Variants in GNAT1 observed in about 807,000 individuals in gnomAD.
The protein encoded by GNAT1 is G protein subunit alpha transducin 1.
In GNAT1, 36 loss-of-function variants were observed where a neutral mutation model predicts 40.0. The observed-to-expected ratio is 0.90, with a 90% CI of 0.69 to 1.19. GNAT1 has a LOEUF of 1.19. Among genes scored for constraint, GNAT1 ranks in the 50% most tolerant of loss-of-function variants. The pLI is 0.00. For synonymous variants in GNAT1, 195 were observed against 192.9 expected (o/e 1.01, Z -0.09); for missense variants, 413 against 480.6 (o/e 0.86, Z 1.32).
Position 50,194,385 on chromosome 3 carries a change from C to T in GNAT1, c.709-116C>T, listed in dbSNP as rs1699470585. The T allele has an allele frequency of 2.9e-6, 4 of 1,402,866 alleles. No individual in the cohort carries two copies. In the South Asian group the frequency reaches 3.6e-5, roughly 13 times the overall value. The allele number at this position is 1,402,866 out of a possible 1,614,324, so 86.9% of individuals were successfully genotyped here. A position where few individuals can be genotyped will look rare whatever the true frequency, so the allele number is the denominator to read the frequency against. On this transcript the variant is annotated intron_variant, in intron 6 of 8. Transcript: ENST00000232461. This position sits in a 1 kb window ranked among gnomAD's most constrained non-coding sequence, Gnocchi z 6.1. ...TTCAGCAGGCCCATCTGGGGCAGTG[C>T]GGGGAGCCCTCTGAGAGCCAGCTGA...
chr3:50,194,670 G>T lies in GNAT1; in HGVS notation c.862+16G>T. ...GACTACGATGGTGAGAAGTCCGCAA[G>T]GCCGCCAGGCGGCGCCCCCGCCCCA... On this transcript the variant is annotated intron_variant, in intron 7 of 8. Transcript: ENST00000232461. The surrounding 1 kb of genome is among the most constrained non-coding windows in gnomAD (Gnocchi z 6.1). The T allele has an allele frequency of 6.2e-7, 1 of 1,612,312 alleles. No individual in the cohort carries two copies. The highest frequency in any genetic ancestry group is 8.5e-7 in the Non-Finnish European group (1 of 1,179,336).
intron 1 of GNAT1, 33 bp downstream of exon 1, chr3:50,191,864 A>T: frequency 3.6e-6 from 5 of 1,373,986 alleles, no homozygotes; most frequent in Non-Finnish European, 5.2e-6. Context: ...GGCCACTGCC[A>T]CCAGGTCATT....
intron 8 of GNAT1, 38 bp from the exon 9 acceptor site, chr3:50,195,230 T>G: frequency 1.9e-6 from 1 of 526,210 alleles, no homozygotes; most frequent in Non-Finnish European, 3.5e-6. Context: ...CCATTTATTT[T>G]GGGTCTCAGG....
chr3:50,195,337 C>T lies in GNAT1; in HGVS notation c.*71C>T. The T allele has an allele frequency of 3.0e-6, 1 of 337,660 alleles. No homozygotes were observed. The highest frequency in any genetic ancestry group is 5.7e-6 in the Non-Finnish European group (1 of 175,162). The allele number at this position is 337,660 out of a possible 1,614,324, so 20.9% of individuals were successfully genotyped here. ...CTAGCTGCCTTGCAGCCCCAAACCC[C>T]AGGACCCTATCAGCCCCCTGGGACT... is the stretch of plus-strand genomic sequence containing the variant. On this transcript the variant is annotated 3_prime_UTR_variant, in exon 9 of 9. Transcript: ENST00000232461.
At position 50,194,065 on chromosome 3, in the gene GNAT1, C is replaced by A. The variant is rs771647730; in HGVS notation, c.579-27C>A. On this transcript the variant is annotated intron_variant, in intron 5 of 8. Coordinates refer to ENST00000232461, the MANE Select transcript of GNAT1 (RefSeq NM_144499.3). This position sits in a 1 kb window ranked among gnomAD's most constrained non-coding sequence, Gnocchi z 6.1. ...GATGTTGCCTGTGGGGCCCGGGGCG[C>A]AGGTTCAGGCCCCCGCGGCCCCGCA... The A allele has an allele frequency of 6.2e-7, 1 of 1,611,628 alleles. No homozygotes were observed. Among genetic ancestry groups the A allele is most frequent in the Admixed American group, 1.7e-5 (1 of 59,896 alleles).
rs1308902871 is a variant in GNAT1, at chr3:50,197,071, A to T, written c.*1805A>T. Among the ~76,000 whole-genome samples, 1 of 152,238 alleles carries T rather than the reference A, an allele frequency of 6.6e-6. No individual in the cohort carries two copies. Among genetic ancestry groups the T allele is most frequent in the African/African-American group, 2.4e-5 (1 of 41,450 alleles). On this transcript the variant is annotated 3_prime_UTR_variant, in exon 9 of 9. Transcript: ENST00000232461. ...TATTAGGATAATATTTTTAAAAATC[A>T]AATGAATGCAAAACCCCACAATGAA...
Position 50,194,638 on chromosome 3 carries a change from T to A in GNAT1, c.846T>A (p.Cys282Ter). The A allele has an allele frequency of 1.2e-6, 2 of 1,613,410 alleles. No individual in the cohort carries two copies. Among genetic ancestry groups the A allele is most frequent in the Non-Finnish European group, 1.7e-6 (2 of 1,179,806 alleles). ...TCAAGAAGGCGCACCTCAGCATCTG[T>A]TTCCCGGACTACGATGGTGAGAAGT... Reference protein sequence around the residue: ...EKIKKAHLSICFPDYDGPNTY... With the variant: ...EKIKKAHLSI Residue 282 changes from cysteine to a stop codon, truncating the protein, a stop_gained, in exon 7 of 9, where the codon TGT (cysteine) becomes TGA (stop). Coordinates refer to ENST00000232461, the MANE Select transcript of GNAT1 (RefSeq NM_144499.3). LOFTEE classifies it high-confidence loss of function. The surrounding 1 kb of genome is among the most constrained non-coding windows in gnomAD (Gnocchi z 6.1).
intron 1 of GNAT1, among the ~76,000 whole-genome samples, chr3:50,192,370 T>C (rs1261034791): frequency 6.6e-6 from 1 of 152,074 alleles, no homozygotes; most frequent in Non-Finnish European, 1.5e-5. Flanking sequence ...TGGCGGGTAC[T>C]GAGGCCCAGT....
At position 50,193,045 on chromosome 3, in the gene GNAT1, C is replaced by A; in HGVS notation, c.107-88C>A. On this transcript the variant is annotated intron_variant, in intron 1 of 8. Transcript: ENST00000232461. The surrounding 1 kb of genome is among the most constrained non-coding windows in gnomAD (Gnocchi z 8.1). ...GCCTCTTCGCTGCGGGTCCACCCTG[C>A]CAACTCGGGAGGTCCCCGTCCTCCT... 2 of 1,426,716 alleles carry A rather than the reference C, an allele frequency of 1.4e-6. No individual in the cohort carries two copies. The highest frequency in any genetic ancestry group is 2.0e-6 in the Non-Finnish European group (2 of 1,023,618). The allele number at this position is 1,426,716 out of a possible 1,614,324, so 88.4% of individuals were successfully genotyped here. A position where few individuals can be genotyped will look rare whatever the true frequency, so the allele number is the denominator to read the frequency against.
chr3:50,196,241 C>T lies in GNAT1; in HGVS notation c.*975C>T, dbSNP rs571648848. On this transcript the variant is annotated 3_prime_UTR_variant, in exon 9 of 9. Transcript: ENST00000232461. ...GGGTTACAAGCAAACCTGGGTGACC[C>T]TCTTGTCCCTACCAGCAGCTTCTCT... 3 of 152,442 alleles carry T rather than the reference C, an allele frequency of 2.0e-5. No homozygotes were observed. Among genetic ancestry groups the T allele is most frequent in the Non-Finnish European group, 4.4e-5 (3 of 68,096 alleles). The allele number at this position is 152,442 out of a possible 1,614,324, so 9.4% of individuals were successfully genotyped here.
At chr3:50,195,244 G>C in intron 8 of GNAT1, 24 bp from the exon 9 acceptor site, 1 of 500,672 alleles carries the variant, frequency 2.0e-6, no homozygotes, top group Non-Finnish European at 3.7e-6. Flanking sequence ...TCTCAGGGAT[G>C]CTGACTGGGT....
chr3:50,195,055 G>A, intron 8 of GNAT1, 99 bp downstream of exon 8: 1 of 880,132 alleles, frequency 1.1e-6, no homozygotes, highest in Non-Finnish European at 1.8e-6. Flanking sequence ...CCAAATCCTG[G>A]AGCCTACTGC....
At position 50,193,642 on chromosome 3, in the gene GNAT1, A is replaced by G; in HGVS notation, c.428A>G (p.Gln143Arg). The G allele has an allele frequency of 1.2e-6, 2 of 1,612,154 alleles. No individual in the cohort carries two copies. The highest frequency in any genetic ancestry group is 8.5e-7 in the Non-Finnish European group (1 of 1,179,764). Residue 143 changes from glutamine to arginine, a missense_variant, in exon 4 of 9, where the codon CAG becomes CGG. By Grantham distance (43) the Gln-to-Arg change is conservative (BLOSUM62 1). Coordinates refer to ENST00000232461, the MANE Select transcript of GNAT1 (RefSeq NM_144499.3). The surrounding 1 kb of genome is among the most constrained non-coding windows in gnomAD (Gnocchi z 8.1). ...QACFERASEYQLNDSAGYYLS... is the reference protein window; with the variant it reads ...QACFERASEYRLNDSAGYYLS... ...TGTTTTGAGCGCGCCTCGGAGTACC[A>G]GCTCAACGACTCGGCGGGCTAGTGA...
Position 50,193,256 on chromosome 3 carries a change from C to A in GNAT1, c.150-9C>A. The A allele has an allele frequency of 6.2e-7, 1 of 1,614,222 alleles. No individual in the cohort carries two copies. Among genetic ancestry groups the A allele is most frequent in the African/African-American group, 1.3e-5 (1 of 75,072 alleles). ...CACGAGGCGCTGATTCTGCTCTCCT[C>A]GGCCTCAGGATTATCCACCAGGACG... On this transcript the variant is annotated splice_polypyrimidine_tract_variant and intron_variant, in intron 2 of 8. Transcript: ENST00000232461. This position sits in a 1 kb window ranked among gnomAD's most constrained non-coding sequence, Gnocchi z 8.1.
Position 50,194,005 on chromosome 3 carries a change from C to T in GNAT1, c.579-87C>T. On this transcript the variant is annotated intron_variant, in intron 5 of 8. Transcript: ENST00000232461. The surrounding 1 kb of genome is among the most constrained non-coding windows in gnomAD (Gnocchi z 6.1). ...CCGCCAGCAGAAAGGGTGGTAGTCC[C>T]GGCCGAGAGCTCCCCGACCAGCACA... The T allele has an allele frequency of 6.2e-7, 1 of 1,603,702 alleles. No individual in the cohort carries two copies. Among genetic ancestry groups the T allele is most frequent in the Non-Finnish European group, 8.5e-7 (1 of 1,171,326 alleles).
rs1362716814 is a variant in GNAT1, at chr3:50,194,288, AC to A, written c.708+69del. On this transcript the variant is annotated intron_variant, in intron 6 of 8. Transcript: ENST00000232461. This position sits in a 1 kb window ranked among gnomAD's most constrained non-coding sequence, Gnocchi z 6.1. ...GAGCTGCTGGTCCCTGGAGGCGGAGACCGCGCGCTGGGCTGGGGGAGGGCAC... is the reference window on the plus strand; with the variant it reads ...GAGCTGCTGGTCCCTGGAGGCGGAGACGCGCGCTGGGCTGGGGGAGGGCAC... The A allele has an allele frequency of 6.5e-7, 1 of 1,528,914 alleles. No individual in the cohort carries two copies. 94.7% of individuals were successfully genotyped at this position (1,528,914 alleles called of 1,614,324 possible).
chr3:50,194,323 A>T lies in GNAT1; in HGVS notation c.708+102A>T, dbSNP rs1221328470. On this transcript the variant is annotated intron_variant, in intron 6 of 8. Coordinates refer to ENST00000232461, the MANE Select transcript of GNAT1 (RefSeq NM_144499.3). The surrounding 1 kb of genome is among the most constrained non-coding windows in gnomAD (Gnocchi z 6.1). ...GGGCTGGGGGAGGGCACGGGAGGGG[A>T]TGCCTGTCCCGGGCGGCCTGAGGAG... 1.4e-6 allele frequency: 2 copies of T among 1,451,832 alleles called. No individual in the cohort carries two copies. Among genetic ancestry groups the T allele is most frequent in the East Asian group, 5.0e-5 (2 of 40,388 alleles). 89.9% of individuals were successfully genotyped at this position (1,451,832 alleles called of 1,614,324 possible).
chr3:50,191,688 C>G lies in GNAT1; in HGVS notation c.-38C>G, dbSNP rs954151764. 2 of 1,473,340 alleles carry G rather than the reference C, an allele frequency of 1.4e-6. No homozygotes were observed. The highest frequency in any genetic ancestry group is 1.9e-6 in the Non-Finnish European group (2 of 1,051,940). The allele number at this position is 1,473,340 out of a possible 1,614,324, so 91.3% of individuals were successfully genotyped here. ...GGGGATCCCCTCCATCCAGAAGAAC[C>G]ACCTGCTCACTCTGTCCCTTCGCCT... On this transcript the variant is annotated 5_prime_UTR_variant, in exon 1 of 9. Coordinates refer to ENST00000232461, the MANE Select transcript of GNAT1 (RefSeq NM_144499.3).
In GNAT1 at chr3:50,193,429, C is replaced by A. The variant is rs1415808256; in HGVS notation, c.291+23C>A. ...CAGGTGTGCCAGGAGGCGGGCTGAG[C>A]GGGCCTCTGGGGACTCGAGGCTCGC... On this transcript the variant is annotated intron_variant, in intron 3 of 8. Coordinates refer to ENST00000232461, the MANE Select transcript of GNAT1 (RefSeq NM_144499.3). The surrounding 1 kb of genome is among the most constrained non-coding windows in gnomAD (Gnocchi z 8.1). 1 of 1,613,488 alleles carries A rather than the reference C, an allele frequency of 6.2e-7. No homozygotes were observed. The highest frequency in any genetic ancestry group is 8.5e-7 in the Non-Finnish European group (1 of 1,179,918).
Sources: allele counts gnomAD v4.1 joint callset (sites outside exome capture counted in the v4.1 genomes callset), GRCh38; gene constraint gnomAD v4.1.1; non-coding constraint Gnocchi (gnomAD v3.1); transcripts MANE v1.5; gene names NCBI Gene and HGNC (gene_info 2026-07-23, HGNC 2026-07-21).